Variants in CCDC148 observed in about 807,000 individuals in gnomAD.
CCDC148 encodes coiled-coil domain containing 148.
CCDC148 carries 89 observed loss-of-function variants against 85.7 expected under a neutral mutation model. The observed-to-expected ratio is 1.04, with a 90% CI of 0.87 to 1.24. The LOEUF (loss-of-function observed/expected upper bound fraction) is 1.24. Ranked by LOEUF, CCDC148 falls within the 50% of genes most tolerant of loss-of-function variation. The probability of loss-of-function intolerance (pLI) is 0.00; values close to 1 mark genes in which losing one functional copy is unlikely to be tolerated. For missense variants in CCDC148, 692 were observed against 671.7 expected (o/e 1.03, Z -0.33); for synonymous variants, 230 against 213.9 (o/e 1.08, Z -0.66).
At chr2:158,215,813 T>C (rs183444544) in intron 11 of CCDC148, among the ~76,000 whole-genome samples, 83 of 152,264 alleles carry the variant, frequency 5.5e-4, no homozygotes, top group Admixed American at 1.5e-3. Context: ...CGCAATGTGA[T>C]GGTATTTGGA....
intron 1 of CCDC148, among the ~76,000 whole-genome samples, chr2:158,417,681 TA>T (rs2105320024): frequency 6.6e-6 from 1 of 152,306 alleles, no homozygotes; most frequent in Admixed American, 6.5e-5. Flanking sequence ...CCCTCTCCTT[TA>T]CCGTCCACAT....
At chr2:158,422,770 G>A (rs1038819933) in intron 1 of CCDC148, among the ~76,000 whole-genome samples, 2 of 151,528 alleles carry the variant, frequency 1.3e-5, no homozygotes, top group African/African-American at 4.8e-5. Flanking sequence ...AGGGTATTCA[G>A]TTAGGAAAAG....
chr2:158,319,166 T>C (rs1367189984), intron 7 of CCDC148, among the ~76,000 whole-genome samples: 1 of 152,198 alleles, frequency 6.6e-6, no homozygotes, highest in African/African-American at 2.4e-5. Flanking sequence ...AAAAGAAAAC[T>C]GTAGCAGACA....
intron 1 of CCDC148, among the ~76,000 whole-genome samples, chr2:158,399,068 T>C (rs1384329182): frequency 6.6e-6 from 1 of 152,148 alleles, no homozygotes; most frequent in Non-Finnish European, 1.5e-5. Flanking sequence ...CTCCTAAGAC[T>C]AAACCTGGAA....
At chr2:158,240,291 T>G (rs1471806941) in intron 10 of CCDC148, among the ~76,000 whole-genome samples, 2 of 152,080 alleles carry the variant, frequency 1.3e-5, no homozygotes, top group Non-Finnish European at 2.9e-5. Flanking sequence ...TTAGATCATC[T>G]GAATGACACT....
chr2:158,403,034 A>AAAAG lies in CCDC148; in HGVS notation c.26-44468_26-44465dup, dbSNP rs1302751931. ...TTTCCTCAAGCTACGAAAAGAAACA[A>AAAAG]AAAGAAAGAAAGAGTTTCTTGGGCA... On this transcript the variant is annotated intron_variant, in intron 1 of 13. Coordinates refer to ENST00000283233, the MANE Select transcript of CCDC148 (RefSeq NM_138803.4). Among the ~76,000 whole-genome samples the AAAAG allele has an allele frequency of 3.6e-4, 55 of 152,132 alleles. 1 individual carries two copies. The highest frequency in any genetic ancestry group is 1.3e-3 in the African/African-American group (53 of 41,456).
intron 7 of CCDC148, among the ~76,000 whole-genome samples, chr2:158,337,123 A>C (rs1682427998): frequency 6.6e-6 from 1 of 152,188 alleles, no homozygotes. Context: ...AAAAAGAAAG[A>C]AGGAAAATGG....
chr2:158,215,718 G>C (rs1300527503), intron 11 of CCDC148, among the ~76,000 whole-genome samples: 3 of 152,084 alleles, frequency 2.0e-5, no homozygotes, highest in African/African-American at 2.4e-5. Flanking sequence ...TAGTCGATTT[G>C]TACATACATA....
chr2:158,304,792 T>C (rs1027760360), intron 9 of CCDC148, among the ~76,000 whole-genome samples: 1 of 152,180 alleles, frequency 6.6e-6, no homozygotes, highest in Non-Finnish European at 1.5e-5. Flanking sequence ...GAAAGACAGA[T>C]GCCTCCAAGG....
intron 8 of CCDC148, among the ~76,000 whole-genome samples, chr2:158,313,028 T>C (rs1007015434): frequency 2.0e-5 from 3 of 152,242 alleles, no homozygotes; most frequent in African/African-American, 7.2e-5. Flanking sequence ...GCAGAGTATA[T>C]AAGATGCTAT....
At chr2:158,350,553 T>A (rs556870438) in intron 2 of CCDC148, among the ~76,000 whole-genome samples, 10 of 152,280 alleles carry the variant, frequency 6.6e-5, no homozygotes, top group African/African-American at 2.4e-4. Flanking sequence ...GATGTCCCAA[T>A]CATGGGAATT....
chr2:158,455,272 C>A (rs1688581928), intron 1 of CCDC148, among the ~76,000 whole-genome samples: 3 of 152,150 alleles, frequency 2.0e-5, no homozygotes, highest in Admixed American at 2.0e-4. Context: ...CCTGCTGATC[C>A]CTTCTCAATT....
chr2:158,261,464 G>T (rs1459196386), intron 9 of CCDC148, among the ~76,000 whole-genome samples: 1 of 151,986 alleles, frequency 6.6e-6, no homozygotes, highest in African/African-American at 2.4e-5. Flanking sequence ...AATGGGCAAA[G>T]ATTTCATTAC....
chr2:158,255,477 T>C (rs17201743), intron 9 of CCDC148, among the ~76,000 whole-genome samples: 2,273 of 151,806 alleles, frequency 0.015, 26 homozygotes, highest in Non-Finnish European at 0.025. Context: ...CCTTATCCAA[T>C]GGATCCTCAC....
Position 158,328,993 on chromosome 2 carries a change from C to T in CCDC148, c.764+9733G>A, listed in dbSNP as rs369781533. On this transcript the variant is annotated intron_variant, in intron 7 of 13. Transcript: ENST00000283233. ...TGTTCACTCTGATGGTAGTTTCTTTCGCTGTGCAGAAGCTCTTTATTTTAA... is the reference window on the plus strand; with the variant it reads ...TGTTCACTCTGATGGTAGTTTCTTTTGCTGTGCAGAAGCTCTTTATTTTAA... Among the ~76,000 whole-genome samples, 588 of 152,178 alleles carry T rather than the reference C, an allele frequency of 3.9e-3. 4 individuals are homozygous for T. Among genetic ancestry groups the T allele is most frequent in the Middle Eastern group, 3.4e-3 (1 of 294 alleles).
intron 1 of CCDC148, among the ~76,000 whole-genome samples, chr2:158,448,407 G>C (rs372536984): frequency 6.6e-6 from 1 of 151,534 alleles, no homozygotes; most frequent in East Asian, 1.9e-4. Context: ...GAGTTCAGTG[G>C]TGTGATCACA....
intron 10 of CCDC148, among the ~76,000 whole-genome samples, chr2:158,234,713 C>T (rs553600908): frequency 2.0e-5 from 3 of 151,562 alleles, no homozygotes; most frequent in South Asian, 2.1e-4. Flanking sequence ...AAAAATTATG[C>T]GGCAGGAGAA....
chr2:158,333,378 G>C (rs1382409514), intron 7 of CCDC148, among the ~76,000 whole-genome samples: 3 of 152,196 alleles, frequency 2.0e-5, no homozygotes, highest in African/African-American at 4.8e-5. Flanking sequence ...TGTGGTCTGA[G>C]AGACTGTTTG....
chr2:158,312,218 C>A (rs565179508), intron 8 of CCDC148, among the ~76,000 whole-genome samples: 4 of 152,204 alleles, frequency 2.6e-5, no homozygotes, highest in African/African-American at 9.6e-5. Flanking sequence ...CTACTAAAAT[C>A]TGTTCTGTAA....
Sources: allele counts gnomAD v4.1 joint callset (sites outside exome capture counted in the v4.1 genomes callset), GRCh38; gene constraint gnomAD v4.1.1; transcripts MANE v1.5; gene names NCBI Gene and HGNC (gene_info 2026-07-23, HGNC 2026-07-21).